The following NOS1 variants were observed in gnomAD, a reference collection of about 807,000 sequenced individuals.
NOS1 encodes NOS type I.
A neutral mutation model predicts 164.5 loss-of-function variants in NOS1; 51 were observed. That is an observed-to-expected ratio of 0.31 (90% CI 0.25 to 0.39). The LOEUF (loss-of-function observed/expected upper bound fraction) is 0.39. Ranked by LOEUF, NOS1 falls within the 10% of genes least tolerant of loss-of-function variation. The pLI is 1.00. For missense variants in NOS1, 1,362 were observed against 1,885.6 expected, an observed-to-expected ratio of 0.72 and a Z score of 5.14; for synonymous variants, 719 against 745.8, an observed-to-expected ratio of 0.96 and a Z score of 0.59.
At position 117,234,528 on chromosome 12, in the gene NOS1, G is replaced by T. The variant is rs1363775602; in HGVS notation, c.3235+37C>A. ...TCCCGAGACACCCACTGCCTCTGCA[G>T]CTCCCTAGAGCAGGGAAGGGTCCCC... On this transcript the variant is annotated intron_variant, in intron 21 of 28. Transcript: ENST00000317775. The surrounding 1 kb of genome is among the most constrained non-coding windows in gnomAD (Gnocchi z 4.3). 3 of 1,579,680 alleles carry T rather than the reference G, an allele frequency of 1.9e-6. No individual in the cohort carries two copies. The African/African-American group carries it at 4.0e-5, about 21-fold the overall frequency.
rs575143964 is a variant in NOS1 at position 117,356,761 on chromosome 12, C to T, written c.-421+4751G>A. ...CATACTTGAATTAGAGACTTAGGGGCACTTTCTGTTGACACGTCATTTTCA... is the reference window on the plus strand; with the variant it reads ...CATACTTGAATTAGAGACTTAGGGGTACTTTCTGTTGACACGTCATTTTCA... On this transcript the variant is annotated intron_variant, in intron 1 of 28. Coordinates refer to ENST00000317775, the MANE Select transcript of NOS1 (RefSeq NM_000620.5). The surrounding 1 kb of genome is among the most constrained non-coding windows in gnomAD (Gnocchi z 4.2). 2.0e-5 allele frequency among the ~76,000 whole-genome samples: 3 copies of T among 152,218 alleles called. No individual in the cohort carries two copies. Among genetic ancestry groups the T allele is most frequent in the African/African-American group, 7.2e-5 (3 of 41,448 alleles).
At chr12:117,224,090 G>A (rs913846204) in intron 25 of NOS1, among the ~76,000 whole-genome samples, 4 of 152,240 alleles carry the variant, frequency 2.6e-5, no homozygotes, top group South Asian at 4.1e-4. Flanking sequence ...TAGCTATTCC[G>A]CTAGAATGAC....
At chr12:117,360,823 G>A (rs375548209) in intron 1 of NOS1, among the ~76,000 whole-genome samples, 70 of 152,300 alleles carry the variant, frequency 4.6e-4, no homozygotes, top group Middle Eastern at 3.4e-3. Context: ...CCCCCAGCCC[G>A]GGCTGCCCGC....
chr12:117,242,797 TC>T (rs1452807296), intron 19 of NOS1, 92 bp from the exon 20 acceptor site: 1 of 1,109,914 alleles, frequency 9.0e-7, no homozygotes, highest in Non-Finnish European at 1.4e-6. Flanking sequence ...ACGCCCATAA[TC>T]CCAACTACTT....
At chr12:117,299,230 T>C (rs1377112524) in intron 3 of NOS1, among the ~76,000 whole-genome samples, 3 of 152,242 alleles carry the variant, frequency 2.0e-5, no homozygotes, top group South Asian at 4.1e-4. Flanking sequence ...AATTAAAAAA[T>C]TGCTATGTAT....
In NOS1 at chr12:117,286,125, C is replaced by A; in HGVS notation, c.1269G>T (p.Arg423Ser). The A allele has an allele frequency of 6.2e-7, 1 of 1,614,192 alleles. No homozygotes were observed. Among genetic ancestry groups the A allele is most frequent in the Non-Finnish European group, 8.5e-7 (1 of 1,180,036 alleles). ...CTACCTGCAGCTTGGACCACTGGATCCTGCCCACACAGCGCGAGGCATTCC... is the reference window on the plus strand; with the variant it reads ...CTACCTGCAGCTTGGACCACTGGATACTGCCCACACAGCGCGAGGCATTCC... Reference protein sequence around the residue: ...AWRNASRCVGRIQWSKLQVFD... With the variant: ...AWRNASRCVGSIQWSKLQVFD... The change falls in exon 6 of 29, where the codon AGG becomes AGT. Residue 423 changes from arginine to serine, a missense_variant. By Grantham distance (110) the Arg-to-Ser change is moderately radical. Around this residue, in one of 4 missense-constraint regions of NOS1, gnomAD observed 129 missense variants for 186.0 expected, o/e 0.69. Transcript: ENST00000317775.
chr12:117,248,102 G>C lies in NOS1; in HGVS notation c.2649-580C>G, dbSNP rs554825969. Among the ~76,000 whole-genome samples the C allele has an allele frequency of 5.6e-3, 859 of 152,102 alleles. 1 individual carries two copies. Among genetic ancestry groups the C allele is most frequent in the Non-Finnish European group, 7.9e-3 (534 of 68,000 alleles). ...GGTGGCTATCTGCAAGCCAGAAAGA[G>C]AGACCTCACTAGAAAGCAACGCTGC... On this transcript the variant is annotated intron_variant, in intron 17 of 28. Coordinates refer to ENST00000317775, the MANE Select transcript of NOS1 (RefSeq NM_000620.5).
intron 2 of NOS1, among the ~76,000 whole-genome samples, chr12:117,321,427 C>T (rs759747621): frequency 2.6e-5 from 4 of 152,184 alleles, no homozygotes; most frequent in Non-Finnish European, 4.4e-5. Context: ...AACATTCATT[C>T]CATGAAAGGC....
At chr12:117,349,577 A>G (rs961672057) in intron 1 of NOS1, among the ~76,000 whole-genome samples, 2 of 152,246 alleles carry the variant, frequency 1.3e-5, no homozygotes, top group African/African-American at 4.8e-5. Flanking sequence ...TTTATATTAC[A>G]TGAATTTTAC....
chr12:117,297,767 G>C (rs1873524974), intron 3 of NOS1, among the ~76,000 whole-genome samples: 1 of 152,054 alleles, frequency 6.6e-6, no homozygotes, highest in Non-Finnish European at 1.5e-5. Context: ...AGATTTTTTA[G>C]GCAAGAAGAC....
chr12:117,276,454 T>A (rs1873189828), intron 9 of NOS1, among the ~76,000 whole-genome samples: 1 of 152,180 alleles, frequency 6.6e-6, no homozygotes, highest in South Asian at 2.1e-4. Flanking sequence ...AGGGAATTTT[T>A]GTATTTTTAG....
At chr12:117,215,403 C>A in intron 28 of NOS1, 79 bp from the exon 29 acceptor site, 6 of 1,406,088 alleles carry the variant, frequency 4.3e-6, no homozygotes, top group South Asian at 1.8e-5. Flanking sequence ...CAGAGAAAAT[C>A]ACCCATGCTC....
chr12:117,280,590 G>T (rs1873560171), intron 8 of NOS1, 135 bp downstream of exon 8: 3 of 895,406 alleles, frequency 3.4e-6, no homozygotes, highest in South Asian at 1.6e-5. Context: ...GCCTGATGGA[G>T]AAGCAGGTTT....
intron 17 of NOS1, among the ~76,000 whole-genome samples, chr12:117,248,447 T>A (rs1426327517): frequency 2.6e-5 from 4 of 151,092 alleles, no homozygotes; most frequent in Non-Finnish European, 5.9e-5. Flanking sequence ...ATATGCGGTG[T>A]TTGGTTTTTT....
chr12:117,339,960 G>A (rs895933276), intron 1 of NOS1, among the ~76,000 whole-genome samples: 2 of 152,144 alleles, frequency 1.3e-5, no homozygotes, highest in Non-Finnish European at 2.9e-5. Context: ...GGGTGGGAAG[G>A]AAGCTTACTT....
intron 28 of NOS1, among the ~76,000 whole-genome samples, chr12:117,217,010 A>G (rs1050910796): frequency 6.6e-6 from 1 of 152,154 alleles, no homozygotes; most frequent in Non-Finnish European, 1.5e-5. Flanking sequence ...GTTCTGTGGC[A>G]GGGACTGGGG....
In NOS1 at chr12:117,359,876, T is replaced by TATATATA. The variant is rs1877038693; in HGVS notation, c.-421+1635_-421+1636insTATATAT. ...GTCCCAGAGCATTACAATAATGGTT[T>TATATATA]TATATATATATATATATATATATAT... On this transcript the variant is annotated intron_variant, in intron 1 of 28. Coordinates refer to ENST00000317775, the MANE Select transcript of NOS1 (RefSeq NM_000620.5). Among the ~76,000 whole-genome samples the TATATATA allele has an allele frequency of 1.5e-3, 54 of 36,958 alleles. 8 individuals carry two copies. Among genetic ancestry groups the TATATATA allele is most frequent in the Non-Finnish European group, 1.6e-3 (28 of 17,916 alleles). The allele number at this position is 36,958 out of a possible 152,430, so 24.2% of individuals were successfully genotyped here.
chr12:117,273,939 A>T (rs1459255524), intron 9 of NOS1, among the ~76,000 whole-genome samples: 1 of 152,180 alleles, frequency 6.6e-6, no homozygotes, highest in Non-Finnish European at 1.5e-5. Context: ...TCAAAAGCCC[A>T]GGCAACAAAA....
intron 16 of NOS1, among the ~76,000 whole-genome samples, chr12:117,256,533 C>T (rs1042351356): frequency 5.3e-5 from 8 of 151,746 alleles, no homozygotes; most frequent in Admixed American, 6.5e-5. Context: ...TCGCCTCAGC[C>T]TCCCAAAATG....
Sources: allele counts gnomAD v4.1 joint callset (sites outside exome capture counted in the v4.1 genomes callset), GRCh38; gene constraint gnomAD v4.1.1; regional missense constraint gnomAD v4.1.1; non-coding constraint Gnocchi (gnomAD v3.1); transcripts MANE v1.5; gene names NCBI Gene and HGNC (gene_info 2026-07-23, HGNC 2026-07-21).